Variants in SLC24A4 observed in about 807,000 individuals in gnomAD.
The protein encoded by SLC24A4 is solute carrier family 24 member 4.
In SLC24A4, 53 loss-of-function variants were observed where a neutral mutation model predicts 79.0. The observed-to-expected ratio is 0.67, with a 90% CI of 0.54 to 0.84. The LOEUF (loss-of-function observed/expected upper bound fraction) is 0.84. Among genes scored for constraint, SLC24A4 ranks in the 40% least tolerant of loss-of-function variants. The pLI is 0.00. For missense variants in SLC24A4, 731 were observed against 822.0 expected, an observed-to-expected ratio of 0.89 and a Z score of 1.35; for synonymous variants, 323 against 323.8, an observed-to-expected ratio of 1.00 and a Z score of 0.03.
chr14:92,407,262 A>C (rs759699814), intron 2 of SLC24A4, among the ~76,000 whole-genome samples: 2 of 152,234 alleles, frequency 1.3e-5, no homozygotes. Flanking sequence ...TTCATTGTGC[A>C]TGTCACTGTC....
intron 2 of SLC24A4, among the ~76,000 whole-genome samples, chr14:92,421,935 C>T (rs1363254951): frequency 6.6e-5 from 10 of 152,250 alleles, no homozygotes; most frequent in African/African-American, 1.7e-4. Context: ...TTCCTCCACC[C>T]GCCATAACCA....
intron 2 of SLC24A4, among the ~76,000 whole-genome samples, chr14:92,333,062 C>T (rs559912027): frequency 6.6e-6 from 1 of 152,274 alleles, no homozygotes; most frequent in Non-Finnish European, 1.5e-5. Context: ...TGATTTCCCC[C>T]TCTCTAACAC....
intron 12 of SLC24A4, among the ~76,000 whole-genome samples, chr14:92,466,561 A>G (rs193113390): frequency 1.3e-5 from 2 of 152,330 alleles, no homozygotes; most frequent in African/African-American, 4.8e-5. Flanking sequence ...TAATAAAAAT[A>G]CCAAAAATTA....
intron 6 of SLC24A4, 45 bp downstream of exon 6, chr14:92,442,861 G>A (rs779699699): frequency 7.5e-6 from 11 of 1,475,376 alleles, no homozygotes; most frequent in Middle Eastern, 1.7e-4. Flanking sequence ...GCCCTGAAGC[G>A]TGGGGGATGA....
At position 92,492,199 on chromosome 14, in the gene SLC24A4, G is replaced by A. The variant is rs1027683198; in HGVS notation, c.1675G>A (p.Val559Ile). The A allele has an allele frequency of 3.1e-6, 5 of 1,614,030 alleles. No homozygotes were observed. The African/African-American group carries it at 4.0e-5, about 13-fold the overall frequency. The part of the protein sequence containing the change: ...STVKINSRGL[V>I]YSVVLLLGSV... ...GGTGAAGATCAACAGCCGGGGGCTG[G>A]TCTATTCCGTGGTCCTGTTGCTGGG... is the stretch of plus-strand genomic sequence containing the variant. Residue 559 changes from valine to isoleucine, a missense_variant, in exon 16 of 17, where the codon GTC (valine) becomes ATC (isoleucine). By Grantham distance (29) the Val-to-Ile change is conservative. Coordinates refer to ENST00000532405, the MANE Select transcript of SLC24A4 (RefSeq NM_153646.4).
rs995624574 is a variant in SLC24A4, at chr14:92,395,304, G to T, written c.242-38608G>T. On this transcript the variant is annotated intron_variant, in intron 2 of 16. Transcript: ENST00000532405. ...GGAAGCCAAGCTCCCTAGCCCCGTT[G>T]CCTGGAGCACTGCAGTGTTACAGAA... is the stretch of plus-strand genomic sequence containing the variant. Among the ~76,000 whole-genome samples, 47 of 152,112 alleles carry T rather than the reference G, an allele frequency of 3.1e-4. 1 individual carries two copies. The highest frequency in any genetic ancestry group is 3.0e-3 in the Admixed American group (46 of 15,270).
chr14:92,447,210 C>T lies in SLC24A4; in HGVS notation c.684-161C>T, dbSNP rs190873226. On this transcript the variant is annotated intron_variant, in intron 8 of 16. Transcript: ENST00000532405. The stretch of plus-strand genomic sequence containing the variant: ...AGGGCTGCTGGTGGCAAGACAGCCA[C>T]AGGCTGGGGGATCTCTCTCACATGC... Among the ~76,000 whole-genome samples the T allele has an allele frequency of 1.1e-3, 170 of 152,310 alleles. 1 individual carries two copies. Among genetic ancestry groups the T allele is most frequent in the African/African-American group, 3.9e-3 (164 of 41,574 alleles).
chr14:92,476,649 A>G (rs1460460896), intron 12 of SLC24A4, among the ~76,000 whole-genome samples: 4 of 152,210 alleles, frequency 2.6e-5, no homozygotes, highest in Admixed American at 6.5e-5. Context: ...TCACCAATAT[A>G]TAATTCTAGA....
Position 92,491,720 on chromosome 14 carries a change from G to C in SLC24A4, c.1593G>C (p.Leu531=). ...TAGGAAGCAACGTGTTTGACATCCT[G>C]GTAGGACTTGGTGTACCGTGGGGCC... ...NTIGSNVFDI[L]VGLGVPWGLQ... The change falls in exon 15 of 17, where the codon CTG becomes CTC. Residue 531 remains leucine, a synonymous_variant. Transcript: ENST00000532405. The C allele has an allele frequency of 6.2e-7, 1 of 1,613,954 alleles. No individual in the cohort carries two copies. The highest frequency in any genetic ancestry group is 1.3e-5 in the African/African-American group (1 of 75,002).
intron 2 of SLC24A4, among the ~76,000 whole-genome samples, chr14:92,377,484 G>T (rs1884677): frequency 6.6e-6 from 1 of 152,090 alleles, no homozygotes; most frequent in African/African-American, 2.4e-5. Context: ...TGAAGATGAG[G>T]TGCAGTACCC....
At chr14:92,372,903 TCCTTCCTTCCTTCCTTTCTTTCTC>T (rs1888255971) in intron 2 of SLC24A4, among the ~76,000 whole-genome samples, 2 of 115,708 alleles carry the variant, frequency 1.7e-5, no homozygotes. Context: ...CTTCCTTCCT[TCCTTCCTTCCTTCCTTTCTTTCTC>T]TTTCTTTCTT....
chr14:92,459,598 T>A (rs951011439), intron 12 of SLC24A4, among the ~76,000 whole-genome samples: 28 of 152,180 alleles, frequency 1.8e-4, no homozygotes, highest in African/African-American at 6.8e-4. Context: ...AGGCCTCAGC[T>A]TCCTGCATCC....
chr14:92,488,858 T>C (rs1239796712), intron 14 of SLC24A4, among the ~76,000 whole-genome samples: 1 of 152,188 alleles, frequency 6.6e-6, no homozygotes, highest in African/African-American at 2.4e-5. Context: ...CAAGGAAATG[T>C]GCAGTTTAAA....
intron 2 of SLC24A4, among the ~76,000 whole-genome samples, chr14:92,431,629 A>G (rs1891874393): frequency 6.6e-6 from 1 of 152,232 alleles, no homozygotes; most frequent in Admixed American, 6.5e-5. Context: ...TTTGATGTCC[A>G]TGCCAGGGCA....
intron 2 of SLC24A4, among the ~76,000 whole-genome samples, chr14:92,414,664 C>T (rs936813796): frequency 1.3e-5 from 2 of 152,260 alleles, no homozygotes; most frequent in East Asian, 1.9e-4. Flanking sequence ...TGCTTGATCC[C>T]GGGAGGTTGA....
At chr14:92,462,361 T>G (rs1893864971) in intron 12 of SLC24A4, 1 of 152,212 alleles carries the variant, frequency 6.6e-6, no homozygotes, top group South Asian at 2.1e-4. Context: ...ACTAAGTACT[T>G]ACTCTGGGCC....
Position 92,486,779 on chromosome 14 carries a change from A to G in SLC24A4, c.1536A>G (p.Gln512=). The G allele has an allele frequency of 6.2e-7, 1 of 1,612,192 alleles. No individual in the cohort carries two copies. Among genetic ancestry groups the G allele is most frequent in the South Asian group, 1.1e-5 (1 of 91,016 alleles). ...TGGCCAGCCTAATTGTGGCGAGACA[A>G]GGTATGGATTATGCCCCAGCCCTCA... is the stretch of plus-strand genomic sequence containing the variant. ...DCMASLIVAR[Q]GLGDMAVSNT... Residue 512 remains glutamine (Q), a splice_region_variant and synonymous_variant, in exon 14 of 17, where the codon CAA becomes CAG. Coordinates refer to ENST00000532405, the MANE Select transcript of SLC24A4 (RefSeq NM_153646.4).
At chr14:92,447,863 G>C (rs2139825630) in intron 9 of SLC24A4, among the ~76,000 whole-genome samples, 1 of 152,326 alleles carries the variant, frequency 6.6e-6, no homozygotes, top group East Asian at 1.9e-4. Context: ...CCAGTGCTTG[G>C]TACAACTGCA....
chr14:92,486,620 A>G (rs1308784765), intron 13 of SLC24A4, 46 bp from the exon 14 acceptor site: 5 of 1,222,936 alleles, frequency 4.1e-6, no homozygotes, highest in South Asian at 1.2e-5. Flanking sequence ...TCTTTAGTCC[A>G]CACACTGTTG....
Sources: allele counts gnomAD v4.1 joint callset (sites outside exome capture counted in the v4.1 genomes callset), GRCh38; gene constraint gnomAD v4.1.1; transcripts MANE v1.5; gene names NCBI Gene and HGNC (gene_info 2026-07-23, HGNC 2026-07-21).